The following ASIC2 variants were observed in gnomAD, a reference collection of about 807,000 sequenced individuals.
The protein encoded by ASIC2 is acid-sensing ion channel 2.
A neutral mutation model predicts 57.3 loss-of-function variants in ASIC2; 25 were observed. The ratio of observed to expected loss-of-function variants is 0.44; its 90% CI spans 0.32 to 0.61. The LOEUF is 0.61. Among genes scored for constraint, ASIC2 ranks in the 20% least tolerant of loss-of-function variants. The pLI is 0.06. For missense variants in ASIC2, 641 were observed against 738.1 expected (o/e 0.87, Z 1.52); for synonymous variants, 319 against 307.5 (o/e 1.04, Z -0.39).
At chr17:33,140,037 C>T (rs961485545) in intron 1 of ASIC2, among the ~76,000 whole-genome samples, 1 of 152,186 alleles carries the variant, frequency 6.6e-6, no homozygotes, top group Non-Finnish European at 1.5e-5. Context: ...CTTCTGGGGG[C>T]CAGCTGCATC....
At chr17:33,926,515 A>T (rs1368066790) in intron 1 of ASIC2, among the ~76,000 whole-genome samples, 1 of 152,208 alleles carries the variant, frequency 6.6e-6, no homozygotes, top group Non-Finnish European at 1.5e-5. Flanking sequence ...GCATAAAACA[A>T]AGTTTGTGTA....
At chr17:33,161,734 A>C (rs1905164995) in intron 1 of ASIC2, among the ~76,000 whole-genome samples, 1 of 152,096 alleles carries the variant, frequency 6.6e-6, no homozygotes. Context: ...GTCTTTCCCC[A>C]CGGCATTTTA....
chr17:33,297,212 C>T (rs184166322), upstream of ASIC2, among the ~76,000 whole-genome samples: 3 of 152,340 alleles, frequency 2.0e-5, no homozygotes, highest in East Asian at 5.8e-4. Context: ...GTCACCAGTT[C>T]CTTCAACTGT....
intron 1 of ASIC2, among the ~76,000 whole-genome samples, chr17:33,835,675 T>A (rs1208438926): frequency 6.6e-6 from 1 of 152,228 alleles, no homozygotes; most frequent in East Asian, 1.9e-4. Flanking sequence ...TGACTTTTGC[T>A]ATGCTCTCCT....
At chr17:33,278,732 T>C (rs1235469796) in intron 1 of ASIC2, among the ~76,000 whole-genome samples, 2 of 152,130 alleles carry the variant, frequency 1.3e-5, no homozygotes, top group East Asian at 1.9e-4. Flanking sequence ...AATGAATGAA[T>C]GAACGAATGA....
intron 1 of ASIC2, among the ~76,000 whole-genome samples, chr17:34,103,730 T>TGACTTGCTG: frequency 6.6e-6 from 1 of 152,324 alleles, no homozygotes; most frequent in Admixed American, 6.5e-5. Context: ...TTCCTTTGAG[T>TGACTTGCTG]GACTTGCTGT....
chr17:33,836,651 G>A (rs949881702), intron 1 of ASIC2, among the ~76,000 whole-genome samples: 18 of 152,000 alleles, frequency 1.2e-4, no homozygotes, highest in East Asian at 1.9e-4. Context: ...TCAGGAGTTC[G>A]AGACCAACTT....
chr17:33,439,819 C>T (rs1911762418), intron 1 of ASIC2, among the ~76,000 whole-genome samples: 1 of 152,198 alleles, frequency 6.6e-6, no homozygotes, highest in African/African-American at 2.4e-5. Context: ...GGCCTCTGCA[C>T]CCACTCTGGA....
At chr17:33,248,540 A>G (rs926210276) in intron 1 of ASIC2, among the ~76,000 whole-genome samples, 1 of 152,224 alleles carries the variant, frequency 6.6e-6, no homozygotes, top group African/African-American at 2.4e-5. Flanking sequence ...AACAACAGGA[A>G]TTTATTCTCT....
intron 1 of ASIC2, among the ~76,000 whole-genome samples, chr17:33,807,288 A>G (rs1912295439): frequency 6.6e-6 from 1 of 152,172 alleles, no homozygotes; most frequent in African/African-American, 2.4e-5. Context: ...TTAGAAGTGT[A>G]TTCTGTATGG....
At chr17:33,472,211 G>A (rs1399573014) in intron 1 of ASIC2, among the ~76,000 whole-genome samples, 1 of 151,884 alleles carries the variant, frequency 6.6e-6, no homozygotes, top group African/African-American at 2.4e-5. Context: ...GTAGAGATGG[G>A]GTTTCATCAT....
At chr17:34,081,696 C>T (rs1909890418) in intron 1 of ASIC2, among the ~76,000 whole-genome samples, 1 of 152,164 alleles carries the variant, frequency 6.6e-6, no homozygotes, top group Non-Finnish European at 1.5e-5. Flanking sequence ...CTATCTTTTC[C>T]CACCTAAATT....
intron 1 of ASIC2, among the ~76,000 whole-genome samples, chr17:33,730,959 G>C (rs1407950108): frequency 3.3e-5 from 5 of 152,128 alleles, no homozygotes; most frequent in African/African-American, 1.2e-4. Context: ...GCAGGTTCCT[G>C]GATCTTGGGC....
At chr17:33,400,794 C>T (rs1451647445) in intron 1 of ASIC2, among the ~76,000 whole-genome samples, 1 of 152,136 alleles carries the variant, frequency 6.6e-6, no homozygotes, top group Admixed American at 6.5e-5. Flanking sequence ...TTTCTGGTTC[C>T]TACCTGCCCC....
At chr17:33,163,918 T>G (rs997251131) in intron 1 of ASIC2, among the ~76,000 whole-genome samples, 2 of 152,126 alleles carry the variant, frequency 1.3e-5, no homozygotes, top group African/African-American at 4.8e-5. Context: ...GTTCAAACAT[T>G]TTTGAGGAAA....
chr17:33,560,145 T>C (rs1597784820), intron 1 of ASIC2, among the ~76,000 whole-genome samples: 2 of 152,340 alleles, frequency 1.3e-5, no homozygotes, highest in Admixed American at 6.5e-5. Flanking sequence ...TGGACCTCGG[T>C]TGGCTGTGTT....
intron 1 of ASIC2, among the ~76,000 whole-genome samples, chr17:33,377,058 G>A (rs1474056134): frequency 1.3e-5 from 2 of 151,828 alleles, no homozygotes; most frequent in African/African-American, 4.8e-5. Flanking sequence ...TTTTTTTGGA[G>A]GGGGGGAGCG....
chr17:33,178,103 G>C (rs1179555530), intron 1 of ASIC2, among the ~76,000 whole-genome samples: 4 of 152,148 alleles, frequency 2.6e-5, no homozygotes, highest in African/African-American at 7.2e-5. Flanking sequence ...GTTACCATTA[G>C]TTGCATTGTA....
intron 1 of ASIC2, among the ~76,000 whole-genome samples, chr17:33,553,361 A>AC (rs1915807124): frequency 6.9e-6 from 1 of 145,376 alleles, no homozygotes; most frequent in Admixed American, 6.9e-5. Flanking sequence ...GCTTCCAGAG[A>AC]CCCCAAGACA....
Sources: gnomAD v4.1 joint callset for allele counts (sites outside exome capture counted in the v4.1 genomes callset) on GRCh38, gnomAD v4.1.1 for gene constraint, MANE v1.5 for transcripts, NCBI Gene and HGNC (gene_info 2026-07-23, HGNC 2026-07-21) for gene names.